QTMAN: variants seen among roughly 807,000 people sequenced by gnomAD.
QTMAN encodes the protein tRNA-queuosine alpha-mannosyltransferase.
chr2:144,222,546 C>A, the QTMAN span, among the ~76,000 whole-genome samples: 1 of 151,882 alleles, frequency 6.6e-6, no homozygotes, highest in Admixed American at 6.6e-5. Flanking sequence ...GTGGCTCACA[C>A]CTGTAATCCC....
the QTMAN span, among the ~76,000 whole-genome samples, chr2:144,133,536 A>G: frequency 6.0e-5 from 6 of 100,122 alleles, no homozygotes; most frequent in Non-Finnish European, 1.1e-4. Context: ...AAATATATAT[A>G]AAGATATAAA....
the QTMAN span, among the ~76,000 whole-genome samples, chr2:144,271,685 C>T: frequency 4.6e-5 from 7 of 152,144 alleles, no homozygotes; most frequent in Non-Finnish European, 1.0e-4. Context: ...CTACAGGGCT[C>T]TTTCCAGAAT....
At chr2:144,097,578 G>A in the QTMAN span, among the ~76,000 whole-genome samples, 1 of 152,160 alleles carries the variant, frequency 6.6e-6, no homozygotes, top group African/African-American at 2.4e-5. Context: ...AGGGTGGGAA[G>A]GGGAGGGAAC....
the QTMAN span, among the ~76,000 whole-genome samples, chr2:144,133,319 GTATA>G: frequency 1.5e-4 from 3 of 20,540 alleles, no homozygotes; most frequent in Admixed American, 7.0e-4. Context: ...AAATATATAT[GTATA>G]TATACATATA....
chr2:143,951,891 AT>A, the QTMAN span: 1 of 682,074 alleles, frequency 1.5e-6, no homozygotes, highest in Non-Finnish European at 2.6e-6. Flanking sequence ...TCCTTTAAAC[AT>A]TAGTATGTTA....
At chr2:144,304,683 AG>A in the QTMAN span, among the ~76,000 whole-genome samples, 3 of 152,188 alleles carry the variant, frequency 2.0e-5, no homozygotes, top group Admixed American at 2.0e-4. Context: ...GGCCTCAAGT[AG>A]GCCTCCCACC....
the QTMAN span, chr2:143,957,295 G>A: frequency 1.2e-6 from 2 of 1,609,392 alleles, no homozygotes; most frequent in Non-Finnish European, 1.7e-6. Flanking sequence ...TAGCCCCAGT[G>A]TAAGACAGAA....
the QTMAN span, among the ~76,000 whole-genome samples, chr2:144,322,510 C>G: frequency 6.6e-6 from 1 of 152,076 alleles, no homozygotes; most frequent in African/African-American, 2.4e-5. Context: ...AAATTTCTTT[C>G]ATGCCTAGCT....
the QTMAN span, chr2:144,211,663 T>C: frequency 7.9e-5 from 12 of 152,542 alleles, no homozygotes; most frequent in East Asian, 2.3e-3. Context: ...AAATGGCATA[T>C]AGCACATTAA....
chr2:144,007,198 C>A, the QTMAN span: 1 of 1,589,792 alleles, frequency 6.3e-7, no homozygotes, highest in South Asian at 1.2e-5. Context: ...TGAGGCCAGA[C>A]AATGTGTAGC....
At chr2:144,013,221 C>T in the QTMAN span, among the ~76,000 whole-genome samples, 1 of 152,098 alleles carries the variant, frequency 6.6e-6, no homozygotes, top group African/African-American at 2.4e-5. Context: ...TCAGTAAGTA[C>T]CTATTGAGTA....
At chr2:144,007,375 G>A in the QTMAN span, 1 of 1,613,178 alleles carries the variant, frequency 6.2e-7, no homozygotes, top group African/African-American at 1.3e-5. Flanking sequence ...GCAGTATCAA[G>A]GCCACAGTGT....
chr2:144,114,913 G>C, the QTMAN span, among the ~76,000 whole-genome samples: 19 of 152,192 alleles, frequency 1.2e-4, no homozygotes, highest in East Asian at 2.1e-3. Context: ...TCAATCATTG[G>C]AATTCACAGC....
At chr2:143,968,875 T>G in the QTMAN span, among the ~76,000 whole-genome samples, 3 of 152,356 alleles carry the variant, frequency 2.0e-5, no homozygotes, top group South Asian at 6.2e-4. Flanking sequence ...CTGGGATTAC[T>G]ACCAGAGGGT....
chr2:144,283,397 G>T, the QTMAN span, among the ~76,000 whole-genome samples: 2 of 152,148 alleles, frequency 1.3e-5, no homozygotes, highest in East Asian at 3.8e-4. Context: ...GAAGTATTCT[G>T]TGCTGAGTTT....
the QTMAN span, among the ~76,000 whole-genome samples, chr2:144,254,799 G>C: frequency 6.6e-6 from 1 of 152,232 alleles, no homozygotes. Flanking sequence ...AGCTGCCCAA[G>C]GCCACAGAAG....
At chr2:144,251,610 T>C in the QTMAN span, among the ~76,000 whole-genome samples, 1 of 152,006 alleles carries the variant, frequency 6.6e-6, no homozygotes, top group Non-Finnish European at 1.5e-5. Flanking sequence ...ACATAAAACA[T>C]AAAACTATAA....
At chr2:144,002,663 C>G in the QTMAN span, among the ~76,000 whole-genome samples, 1 of 151,826 alleles carries the variant, frequency 6.6e-6, no homozygotes, top group Non-Finnish European at 1.5e-5. Context: ...TTTGGTGAAC[C>G]TGTGTTTCCC....
chr2:144,257,408 A>C, the QTMAN span, among the ~76,000 whole-genome samples: 4 of 152,272 alleles, frequency 2.6e-5, no homozygotes, highest in South Asian at 2.1e-4. Context: ...GAGAGAAAAA[A>C]AAAACAAAAC....
Sources: gnomAD v4.1 joint callset for allele counts (sites outside exome capture counted in the v4.1 genomes callset) on GRCh38, gnomAD v4.1.1 for gene constraint, MANE v1.5 for transcripts, NCBI Gene and HGNC (gene_info 2026-07-23, HGNC 2026-07-21) for gene names.